The following STK10 variants were observed in gnomAD, a reference collection of about 807,000 sequenced individuals.
STK10 encodes serine/threonine-protein kinase 10.
Under a neutral mutation model 113.8 loss-of-function variants are expected in STK10, and 78 were observed. The observed-to-expected ratio is 0.69, with a 90% CI of 0.57 to 0.83. The LOEUF (loss-of-function observed/expected upper bound fraction) is 0.83. Among genes scored for constraint, STK10 ranks in the 40% least tolerant of loss-of-function variants. STK10 has a pLI of 0.00. For synonymous variants in STK10, 465 were observed against 494.7 expected (o/e 0.94, Z 0.80); for missense variants, 1,109 against 1,280.1 (o/e 0.87, Z 2.04).
At position 172,187,707 on chromosome 5, in the gene STK10, G is replaced by C. The variant is rs986597193; in HGVS notation, c.156+180C>G. Reference sequence around the variant, plus strand: ...GGGGGCGCCCAGAGCGCAGGGACTCGGCCGGGCCGAGTGATGTTCCCCCCA... The same window carrying C: ...GGGGGCGCCCAGAGCGCAGGGACTCCGCCGGGCCGAGTGATGTTCCCCCCA... On this transcript the variant is annotated intron_variant, in intron 1 of 18. Coordinates refer to ENST00000176763, the MANE Select transcript of STK10 (RefSeq NM_005990.4). The surrounding 1 kb of genome is among the most constrained non-coding windows in gnomAD (Gnocchi z 4.6). 1.3e-5 allele frequency among the ~76,000 whole-genome samples: 2 copies of C among 152,176 alleles called. No individual in the cohort carries two copies. Among genetic ancestry groups the C allele is most frequent in the Admixed American group, 6.5e-5 (1 of 15,274 alleles).
chr5:172,065,962 A>G (rs531552516), intron 12 of STK10, among the ~76,000 whole-genome samples: 1 of 152,264 alleles, frequency 6.6e-6, no homozygotes, highest in South Asian at 2.1e-4. Flanking sequence ...GTCTTTTATA[A>G]CAGGAGGGAG....
intron 10 of STK10, among the ~76,000 whole-genome samples, chr5:172,084,500 CA>C (rs560009684): frequency 9.3e-4 from 141 of 151,952 alleles, no homozygotes; most frequent in African/African-American, 3.4e-3. Context: ...TCTGTTATGC[CA>C]CCTTATCTGG....
At chr5:172,125,858 T>A (rs1330375464) in intron 3 of STK10, among the ~76,000 whole-genome samples, 1 of 152,248 alleles carries the variant, frequency 6.6e-6, no homozygotes, top group Non-Finnish European at 1.5e-5. Flanking sequence ...TCAAGAATTT[T>A]AAAAAAAATT....
chr5:172,127,469 G>A (rs2279514), intron 2 of STK10, 48 bp from the exon 3 acceptor site: 1,126,658 of 1,605,628 alleles, frequency 0.7, 401,088 homozygotes, highest in East Asian at 0.85. Context: ...CTGCCCAGCC[G>A]TCGAGACGGG....
chr5:172,054,346 C>T (rs926256796), intron 17 of STK10, among the ~76,000 whole-genome samples: 10 of 152,204 alleles, frequency 6.6e-5, no homozygotes, highest in African/African-American at 2.4e-4. Flanking sequence ...TGGTCATCCC[C>T]ATGCCCATTT....
intron 18 of STK10, 131 bp from the exon 19 acceptor site, chr5:172,045,153 T>G: frequency 1.5e-6 from 2 of 1,355,508 alleles, no homozygotes; most frequent in Non-Finnish European, 2.0e-6. Flanking sequence ...CTTGAGAAAC[T>G]ACGGCTTCCC....
intron 4 of STK10, 87 bp from the exon 5 acceptor site, chr5:172,107,939 G>A (rs1581160159): frequency 8.8e-7 from 1 of 1,130,934 alleles, no homozygotes; most frequent in East Asian, 2.4e-5. Flanking sequence ...CACATTCCAA[G>A]TCGACTAACA....
chr5:172,062,760 G>T (rs1017531908), intron 13 of STK10, among the ~76,000 whole-genome samples: 1 of 152,204 alleles, frequency 6.6e-6, no homozygotes, highest in Non-Finnish European at 1.5e-5. Flanking sequence ...GGAGAATTAC[G>T]GTTTGATGGG....
intron 2 of STK10, among the ~76,000 whole-genome samples, chr5:172,148,628 C>G (rs997790891): frequency 6.6e-6 from 1 of 152,102 alleles, no homozygotes; most frequent in Admixed American, 6.5e-5. Flanking sequence ...CACAGGCCTC[C>G]TCACCACCAA....
At chr5:172,143,149 C>A (rs1258358472) in intron 2 of STK10, among the ~76,000 whole-genome samples, 1 of 152,164 alleles carries the variant, frequency 6.6e-6, no homozygotes, top group African/African-American at 2.4e-5. Context: ...CAGTGGTTCA[C>A]GAGTTCAGGA....
In STK10 at chr5:172,141,385, T is replaced by C. The variant is rs1229815122; in HGVS notation, c.322-13964A>G. On this transcript the variant is annotated intron_variant, in intron 2 of 18. Transcript: ENST00000176763. The stretch of plus-strand genomic sequence containing the variant: ...TGAGCTCAGGAGTTCGAGACCAGCC[T>C]GGGCAACAAAGTGAGACCTCGTATC... Among the ~76,000 whole-genome samples the C allele has an allele frequency of 4.6e-5, 7 of 152,030 alleles. No homozygotes were observed. In the South Asian group the frequency reaches 1.5e-3, roughly 32 times the overall value.
intron 9 of STK10, among the ~76,000 whole-genome samples, chr5:172,091,488 G>GC (rs1561803667): frequency 1.0e-3 from 154 of 151,184 alleles, no homozygotes; most frequent in African/African-American, 3.6e-3. Context: ...TAACCCTCCC[G>GC]CTCTGCCCAC....
Position 172,055,585 on chromosome 5 carries a change from C to G in STK10, c.2526+3G>C. On this transcript the variant is annotated splice_donor_region_variant and intron_variant, in intron 16 of 18. Transcript: ENST00000176763. ...TTGCAGACCCCGCAGGCCCGGCCCC[C>G]ACCTGCTTGATCTTCTCACGCTGCT... The G allele has an allele frequency of 2.0e-6, 3 of 1,474,390 alleles. No homozygotes were observed. The highest frequency in any genetic ancestry group is 1.4e-5 in the South Asian group (1 of 71,662). The allele number at this position is 1,474,390 out of a possible 1,614,324, so 91.3% of individuals were successfully genotyped here.
At chr5:172,053,101 G>A (rs756271517) in intron 17 of STK10, 59 bp from the exon 18 acceptor site, 196 of 1,384,144 alleles carry the variant, frequency 1.4e-4, no homozygotes, top group Non-Finnish European at 1.9e-4. Flanking sequence ...CCTGAAGACT[G>A]AGACACACCT....
intron 2 of STK10, among the ~76,000 whole-genome samples, chr5:172,146,387 T>C (rs1397447773): frequency 6.6e-6 from 1 of 152,096 alleles, no homozygotes; most frequent in Non-Finnish European, 1.5e-5. Flanking sequence ...CTGCAACTGC[T>C]AAAGGTTCCA....
At chr5:172,171,039 C>G (rs1159959916) in intron 1 of STK10, among the ~76,000 whole-genome samples, 1 of 152,198 alleles carries the variant, frequency 6.6e-6, no homozygotes, top group Non-Finnish European at 1.5e-5. Flanking sequence ...CCTTGGGGGT[C>G]GTGTCCATTC....
intron 1 of STK10, among the ~76,000 whole-genome samples, chr5:172,160,626 A>G (rs1297159427): frequency 4.6e-5 from 7 of 152,154 alleles, no homozygotes; most frequent in African/African-American, 1.7e-4. Flanking sequence ...GATAATATTG[A>G]TCACGCTCCA....
At chr5:172,165,957 C>T (rs1316051454) in intron 1 of STK10, among the ~76,000 whole-genome samples, 1 of 152,164 alleles carries the variant, frequency 6.6e-6, no homozygotes, top group African/African-American at 2.4e-5. Flanking sequence ...CCACGCCCGG[C>T]TGTTTTTGTA....
intron 3 of STK10, among the ~76,000 whole-genome samples, chr5:172,121,847 TGGGCCAC>T (rs1769517623): frequency 6.6e-6 from 1 of 151,360 alleles, no homozygotes; most frequent in Non-Finnish European, 1.5e-5. Context: ...ATTACAGGCA[TGGGCCAC>T]TATGCCTAGC....
Sources: allele counts gnomAD v4.1 joint callset (sites outside exome capture counted in the v4.1 genomes callset), GRCh38; gene constraint gnomAD v4.1.1; non-coding constraint Gnocchi (gnomAD v3.1); transcripts MANE v1.5; gene names NCBI Gene and HGNC (gene_info 2026-07-23, HGNC 2026-07-21).